The following RBM20 variants were observed in gnomAD, a reference collection of about 807,000 sequenced individuals.
RBM20 encodes RNA binding motif protein 20.
RBM20 carries 51 observed loss-of-function variants against 110.1 expected under a neutral mutation model. That is an observed-to-expected ratio of 0.46 (90% CI 0.37 to 0.59). The LOEUF is 0.59. Ranked by LOEUF, RBM20 falls within the 20% of genes least tolerant of loss-of-function variation. The pLI, the probability that RBM20 is intolerant of heterozygous loss-of-function variation, is 0.00. For synonymous variants in RBM20, 589 were observed against 618.2 expected, an observed-to-expected ratio of 0.95 and a Z score of 0.70; for missense variants, 1,512 against 1,574.9, an observed-to-expected ratio of 0.96 and a Z score of 0.68.
chr10:110,757,143 G>A (rs563368316), intron 1 of RBM20, among the ~76,000 whole-genome samples: 173 of 152,324 alleles, frequency 1.1e-3, no homozygotes, highest in Non-Finnish European at 1.1e-3. Context: ...CCTTCCTAGT[G>A]TGGTTCAGAG....
At position 110,770,752 on chromosome 10, in the gene RBM20, G is replaced by A. The variant is rs944197688; in HGVS notation, c.192-10049G>A. 3.3e-5 allele frequency among the ~76,000 whole-genome samples: 5 copies of A among 152,084 alleles called. No individual in the cohort carries two copies. The South Asian group carries it at 8.3e-4, about 25-fold the overall frequency. On this transcript the variant is annotated intron_variant, in intron 1 of 13. Coordinates refer to ENST00000369519, the MANE Select transcript of RBM20 (RefSeq NM_001134363.3). ...TGTACATTTAATAGAAAAAAATATC[G>A]GTGATGTAAACTGCTGAAAAGAAAA...
At chr10:110,775,235 C>T (rs955204235) in intron 1 of RBM20, among the ~76,000 whole-genome samples, 5 of 152,204 alleles carry the variant, frequency 3.3e-5, no homozygotes, top group Admixed American at 1.3e-4. Context: ...CCTCTCACCT[C>T]GATTACTTTC....
chr10:110,679,496 GA>G (rs1862390434), intron 1 of RBM20, among the ~76,000 whole-genome samples: 1 of 152,146 alleles, frequency 6.6e-6, no homozygotes, highest in African/African-American at 2.4e-5. Context: ...ACTGGGATTA[GA>G]GGCATGAGCC....
chr10:110,782,109 C>A (rs541053964), intron 2 of RBM20, among the ~76,000 whole-genome samples: 1 of 152,340 alleles, frequency 6.6e-6, no homozygotes, highest in African/African-American at 2.4e-5. Flanking sequence ...TTCTTACACA[C>A]TTTTTCTAGA....
At chr10:110,722,079 T>C (rs1412226133) in intron 1 of RBM20, among the ~76,000 whole-genome samples, 2 of 152,136 alleles carry the variant, frequency 1.3e-5, no homozygotes, top group African/African-American at 2.4e-5. Context: ...AGCAATTAAG[T>C]TAATTGTCTT....
At chr10:110,798,790 T>C in intron 6 of RBM20, among the ~76,000 whole-genome samples, 1 of 152,226 alleles carries the variant, frequency 6.6e-6, no homozygotes, top group East Asian at 1.9e-4. Flanking sequence ...CAGTGAGGGC[T>C]TCCCTGTCAC....
intron 1 of RBM20, among the ~76,000 whole-genome samples, chr10:110,658,277 C>T (rs1862053971): frequency 6.6e-6 from 1 of 152,174 alleles, no homozygotes; most frequent in African/African-American, 2.4e-5. Context: ...ACTTACACAC[C>T]TGTGAGGGTA....
chr10:110,755,527 A>G (rs1218068628), intron 1 of RBM20, among the ~76,000 whole-genome samples: 1 of 152,166 alleles, frequency 6.6e-6, no homozygotes, highest in Admixed American at 6.5e-5. Flanking sequence ...CTATTGTGTA[A>G]AATTTTACAA....
chr10:110,689,653 T>A (rs1862557555), intron 1 of RBM20, among the ~76,000 whole-genome samples: 1 of 150,716 alleles, frequency 6.6e-6, no homozygotes, highest in African/African-American at 2.4e-5. Flanking sequence ...AGTTTGTTTG[T>A]TGGGAAATTC....
intron 1 of RBM20, among the ~76,000 whole-genome samples, chr10:110,717,157 C>T (rs1482625937): frequency 6.6e-6 from 1 of 152,026 alleles, no homozygotes; most frequent in Non-Finnish European, 1.5e-5. Flanking sequence ...CTGTGTGCTG[C>T]CTGCTTCACT....
At chr10:110,658,701 C>T (rs924253242) in intron 1 of RBM20, among the ~76,000 whole-genome samples, 3 of 152,032 alleles carry the variant, frequency 2.0e-5, no homozygotes, top group Non-Finnish European at 4.4e-5. Flanking sequence ...CCTGCTGTGG[C>T]TTCTCCTGGC....
intron 1 of RBM20, among the ~76,000 whole-genome samples, chr10:110,703,841 G>A (rs1862795005): frequency 6.6e-6 from 1 of 152,222 alleles, no homozygotes; most frequent in Non-Finnish European, 1.5e-5. Flanking sequence ...GCCAGGCATG[G>A]TGGCTCATGC....
chr10:110,760,899 C>T (rs1187127706), intron 1 of RBM20, among the ~76,000 whole-genome samples: 1 of 150,498 alleles, frequency 6.6e-6, no homozygotes, highest in Non-Finnish European at 1.5e-5. Flanking sequence ...TGAGACCAGC[C>T]TGGACAATAT....
intron 1 of RBM20, among the ~76,000 whole-genome samples, chr10:110,738,740 C>T (rs541867115): frequency 1.3e-5 from 2 of 152,022 alleles, no homozygotes; most frequent in Admixed American, 6.6e-5. Flanking sequence ...GCTGGAAGAG[C>T]ACGCGGGGCA....
chr10:110,723,575 A>G (rs1843531915), intron 1 of RBM20, among the ~76,000 whole-genome samples: 1 of 152,196 alleles, frequency 6.6e-6, no homozygotes, highest in Admixed American at 6.5e-5. Context: ...ATTTTTCCAC[A>G]TTCTTGCAGC....
intron 1 of RBM20, among the ~76,000 whole-genome samples, chr10:110,764,663 G>A (rs11195314): frequency 2.6e-5 from 4 of 152,074 alleles, no homozygotes; most frequent in Admixed American, 2.6e-4. Context: ...TTCCAGACTC[G>A]AGAGAGTTTG....
chr10:110,784,937 G>T, intron 5 of RBM20, 48 bp downstream of exon 5: 1 of 1,207,738 alleles, frequency 8.3e-7, no homozygotes, highest in Non-Finnish European at 1.2e-6. Context: ...ATGATTATTA[G>T]TTTATTTATT....
intron 1 of RBM20, among the ~76,000 whole-genome samples, chr10:110,670,688 TC>T (rs1269528648): frequency 6.6e-6 from 1 of 152,246 alleles, no homozygotes; most frequent in Non-Finnish European, 1.5e-5. Flanking sequence ...GTTACAGGTT[TC>T]CTTTGGGATG....
chr10:110,658,932 C>T (rs578254535), intron 1 of RBM20, among the ~76,000 whole-genome samples: 57 of 152,114 alleles, frequency 3.7e-4, no homozygotes, highest in Non-Finnish European at 7.5e-4. Context: ...GTCTGTGGCT[C>T]CCATAGTAGC....
Sources: gnomAD v4.1 joint callset for allele counts (sites outside exome capture counted in the v4.1 genomes callset) on GRCh38, gnomAD v4.1.1 for gene constraint, MANE v1.5 for transcripts, NCBI Gene and HGNC (gene_info 2026-07-23, HGNC 2026-07-21) for gene names.